Variants in DNAH5 observed in about 807,000 individuals in gnomAD.
DNAH5 encodes the protein dynein axonemal heavy chain 5, also known as axonemal beta dynein heavy chain 5.
DNAH5 carries 372 observed loss-of-function variants against 518.2 expected under a neutral mutation model. That is an observed-to-expected ratio of 0.72 (90% CI 0.66 to 0.78). DNAH5 has a LOEUF of 0.78. Among genes scored for constraint, DNAH5 ranks in the 30% least tolerant of loss-of-function variants. DNAH5 has a pLI of 0.00. For synonymous variants in DNAH5, 2,039 were observed against 2,025.9 expected, an observed-to-expected ratio of 1.01 and a Z score of -0.17; for missense variants, 5,523 against 5,687.0, an observed-to-expected ratio of 0.97 and a Z score of 0.93.
At chr5:13,719,421 T>A (rs2126521156) in intron 71 of DNAH5, among the ~76,000 whole-genome samples, 1 of 152,094 alleles carries the variant, frequency 6.6e-6, no homozygotes, top group Admixed American at 6.6e-5. Flanking sequence ...TTAACTCAGA[T>A]CCCTCCCCAA....
rs1167443134 is a variant in DNAH5 at position 13,931,386 on chromosome 5, C to T, written c.58-142G>A. On this transcript the variant is annotated intron_variant, in intron 1 of 78. Transcript: ENST00000265104. Reference sequence around the variant, plus strand: ...GCTTAATGGTACCAATTTTTATGTACTATCTTCTATTTTTAGAAATAATTT... The same window carrying T: ...GCTTAATGGTACCAATTTTTATGTATTATCTTCTATTTTTAGAAATAATTT... 10 of 789,182 alleles carry T rather than the reference C, an allele frequency of 1.3e-5. No individual in the cohort carries two copies. The South Asian group carries it at 1.7e-4, about 13-fold the overall frequency. 48.9% of individuals were successfully genotyped at this position (789,182 alleles called of 1,614,324 possible).
intron 1 of DNAH5, among the ~76,000 whole-genome samples, chr5:13,952,522 C>A (rs1018178634): frequency 6.6e-6 from 1 of 152,160 alleles, no homozygotes; most frequent in African/African-American, 2.4e-5. Context: ...TTTTTGATGA[C>A]TCCCAACCTC....
At chr5:13,909,311 TAATAA>T (rs1205867145) in intron 12 of DNAH5, among the ~76,000 whole-genome samples, 1 of 152,232 alleles carries the variant, frequency 6.6e-6, no homozygotes, top group East Asian at 1.9e-4. Context: ...GCAGCAATAA[TAATAA>T]AATAGTACAA....
At chr5:13,881,122 C>A (rs1771618704) in intron 21 of DNAH5, among the ~76,000 whole-genome samples, 2 of 151,890 alleles carry the variant, frequency 1.3e-5, no homozygotes, top group South Asian at 4.1e-4. Flanking sequence ...TACATATACA[C>A]CCAACATTGG....
intron 48 of DNAH5, 71 bp downstream of exon 48, chr5:13,793,865 T>G: frequency 6.4e-7 from 1 of 1,566,474 alleles, no homozygotes; most frequent in African/African-American, 1.4e-5. Flanking sequence ...TAAAAAAAAT[T>G]TTTAAAAACT....
In DNAH5 at chr5:13,900,226, T is replaced by C; in HGVS notation, c.2239A>G (p.Arg747Gly). Residue 747 changes from arginine to glycine, a missense_variant, in exon 15 of 79, where the codon AGG becomes GGG. Transcript: ENST00000265104. ...TATACCTTCATGTTACTGAAGTTCC[T>C]TTTGTATCTATCTCGTTTCTGGAAG... ...SLFQKRDRYK[R>G]NFSNMKMMLA... 6.2e-7 allele frequency: 1 copy of C among 1,614,008 alleles called. No homozygotes were observed. Among genetic ancestry groups the C allele is most frequent in the Non-Finnish European group, 8.5e-7 (1 of 1,179,844 alleles).
At position 13,829,524 on chromosome 5, in the gene DNAH5, G is replaced by T; in HGVS notation, c.6430C>A (p.Gln2144Lys). The change falls in exon 38 of 79, where the codon CAG (glutamine) becomes AAG (lysine). Residue 2144 changes from glutamine (Q) to lysine (K), a missense_variant. This residue lies in a region of DNAH5 where 5,121 missense variants were observed against 5,223.3 expected (regional missense o/e 0.98). Coordinates refer to ENST00000265104, the MANE Select transcript of DNAH5 (RefSeq NM_001369.3). ...FFTLYKLCEEQLSKQVHYDFG... is the reference protein window; with the variant it reads ...FFTLYKLCEEKLSKQVHYDFG... ...GGATGACACACCTGCTTAGAAAGCT[G>T]CTCCTCACACAGTTTGTAGAGCGTG... 1.2e-6 allele frequency: 2 copies of T among 1,614,134 alleles called. No individual in the cohort carries two copies. Among genetic ancestry groups the T allele is most frequent in the South Asian group, 1.1e-5 (1 of 91,076 alleles).
At chr5:13,744,398 G>A (rs1388203302) in intron 65 of DNAH5, among the ~76,000 whole-genome samples, 2 of 151,928 alleles carry the variant, frequency 1.3e-5, no homozygotes, top group Non-Finnish European at 2.9e-5. Context: ...AGCTAGATAG[G>A]ACAAATAAGT....
intron 1 of DNAH5, among the ~76,000 whole-genome samples, chr5:13,933,770 A>G (rs1778643334): frequency 6.8e-6 from 1 of 146,718 alleles, no homozygotes. Context: ...AGCCTGGATG[A>G]CAGAGTGAGA....
intron 38 of DNAH5, 42 bp downstream of exon 38, chr5:13,829,468 A>G (rs761221664): frequency 3.8e-6 from 6 of 1,599,390 alleles, no homozygotes; most frequent in Non-Finnish European, 5.1e-6. Flanking sequence ...GAATAGAAAA[A>G]TGAAACATGC....
intron 1 of DNAH5, among the ~76,000 whole-genome samples, chr5:14,005,504 CCAGGAATTCACACCA>C (rs1784659893): frequency 6.6e-6 from 1 of 152,158 alleles, no homozygotes; most frequent in African/African-American, 2.4e-5. Context: ...GTGCCTGTGG[CCAGGAATTCACACCA>C]CTTCAGCTCC....
intron 77 of DNAH5, 115 bp from the exon 78 acceptor site, chr5:13,700,986 G>C (rs1742032963): frequency 8.8e-7 from 1 of 1,130,394 alleles, no homozygotes; most frequent in Middle Eastern, 2.0e-4. Flanking sequence ...ACGTACAATA[G>C]TATTTAAAGA....
intron 2 of DNAH5, among the ~76,000 whole-genome samples, chr5:13,928,793 C>G (rs1278073728): frequency 6.6e-6 from 1 of 152,084 alleles, no homozygotes; most frequent in Admixed American, 6.6e-5. Context: ...AAGATAAAAT[C>G]CACACACCCA....
At chr5:13,729,591 T>A (rs181556808) in intron 68 of DNAH5, 31 bp from the exon 69 acceptor site, 9 of 1,580,808 alleles carry the variant, frequency 5.7e-6, no homozygotes, top group Middle Eastern at 3.6e-4. Context: ...TTATCAGATT[T>A]CCCTTCCTTC....
chr5:13,985,574 T>C (rs1268457858), intron 1 of DNAH5, among the ~76,000 whole-genome samples: 1 of 151,860 alleles, frequency 6.6e-6, no homozygotes, highest in African/African-American at 2.4e-5. Context: ...GCCTGAATTC[T>C]AACCAGCAGA....
chr5:13,781,220 C>T (rs115857691), intron 52 of DNAH5, among the ~76,000 whole-genome samples: 18 of 152,016 alleles, frequency 1.2e-4, no homozygotes, highest in Non-Finnish European at 2.1e-4. Flanking sequence ...AACACACAGC[C>T]GAGACCGTGC....
At chr5:13,770,613 C>A (rs1361728723) in intron 56 of DNAH5, 136 bp downstream of exon 56, 9 of 767,308 alleles carry the variant, frequency 1.2e-5, no homozygotes, top group Non-Finnish European at 2.0e-5. Context: ...GCCAGCAGTA[C>A]CCCTTCCCTG....
chr5:13,936,120 A>AG (rs1778902951), intron 1 of DNAH5, among the ~76,000 whole-genome samples: 1 of 152,200 alleles, frequency 6.6e-6, no homozygotes, highest in Non-Finnish European at 1.5e-5. Context: ...CCACAGACAA[A>AG]GGAGCACTGA....
rs1502040 is a variant in DNAH5 at position 13,859,663 on chromosome 5, A to C, written c.4797-58T>G. Reference sequence around the variant, plus strand: ...TGTTTTTGTTGTGCTGTTGTTTCAAATTAAAAAGGTTTTTAAAAATCTTAA... The same window carrying C: ...TGTTTTTGTTGTGCTGTTGTTTCAACTTAAAAAGGTTTTTAAAAATCTTAA... On this transcript the variant is annotated intron_variant, in intron 29 of 78. Coordinates refer to ENST00000265104, the MANE Select transcript of DNAH5 (RefSeq NM_001369.3). The C allele has an allele frequency of 0.054, 82,917 of 1,541,246 alleles. 2,630 individuals carry two copies. Among genetic ancestry groups the C allele is most frequent in the African/African-American group, 0.12 (8,532 of 73,306 alleles).
Sources: allele counts gnomAD v4.1 joint callset (sites outside exome capture counted in the v4.1 genomes callset), GRCh38; gene constraint gnomAD v4.1.1; regional missense constraint gnomAD v4.1.1; transcripts MANE v1.5; gene names NCBI Gene and HGNC (gene_info 2026-07-23, HGNC 2026-07-21).